ETV7: variants seen among roughly 807,000 people sequenced by gnomAD.
The protein encoded by ETV7 is ETS variant transcription factor 7.
A neutral mutation model predicts 39.1 loss-of-function variants in ETV7; 43 were observed. The observed-to-expected ratio is 1.10, with a 90% CI of 0.86 to 1.42. The LOEUF is 1.42. Ranked by LOEUF, ETV7 falls within the 40% of genes most tolerant of loss-of-function variation. ETV7 has a pLI of 0.00. For missense variants in ETV7, 432 were observed against 442.3 expected (o/e 0.98, Z 0.21); for synonymous variants, 196 against 176.6 (o/e 1.11, Z -0.87).
chr6:36,372,866 G>C (rs1427809712), intron 4 of ETV7, among the ~76,000 whole-genome samples: 2 of 151,016 alleles, frequency 1.3e-5, no homozygotes, highest in Non-Finnish European at 2.9e-5. Context: ...GGCACCACAT[G>C]GTGTTTAAGA....
At chr6:36,373,331 G>A in intron 4 of ETV7, 122 bp downstream of exon 4, 1 of 1,227,762 alleles carries the variant, frequency 8.1e-7, no homozygotes, top group South Asian at 1.8e-5. Context: ...GTGGGGGTGG[G>A]GCGGGAGGGG....
In ETV7 at chr6:36,356,334, A is replaced by AC. The variant is rs1304857181; in HGVS notation, c.909-1648_909-1647insG. ...GTGAGACCCTGTCTCAAAAAAAAAA[A>AC]AAAAACAAAAAAAAACACAAACAAA... is the stretch of plus-strand genomic sequence containing the variant. On this transcript the variant is annotated intron_variant, in intron 7 of 7. Coordinates refer to the ETV7 transcript ENST00000339796. Among the ~76,000 whole-genome samples, 3 of 150,918 alleles carry AC rather than the reference A, an allele frequency of 2.0e-5. 1 individual carries two copies. The highest frequency in any genetic ancestry group is 4.9e-5 in the African/African-American group (2 of 40,782).
chr6:36,373,663 A>T, intron 3 of ETV7, 85 bp from the exon 4 acceptor site: 1 of 1,428,430 alleles, frequency 7.0e-7, no homozygotes, highest in South Asian at 1.5e-5. Context: ...CACCTGCCTC[A>T]GGGCAAGGGC....
At chr6:36,384,102 T>G (rs1293744311) in intron 2 of ETV7, among the ~76,000 whole-genome samples, 1 of 152,214 alleles carries the variant, frequency 6.6e-6, no homozygotes, top group Admixed American at 6.5e-5. Context: ...TCCCCAGAGA[T>G]CCCCGTGGTG....
intron 6 of ETV7, among the ~76,000 whole-genome samples, chr6:36,368,625 G>C (rs1208780498): frequency 6.6e-6 from 1 of 152,164 alleles, no homozygotes; most frequent in Admixed American, 6.5e-5. Flanking sequence ...CAGGAAAGCA[G>C]CTTCCTCATC....
At chr6:36,369,858 G>A (rs979092684) in intron 5 of ETV7, among the ~76,000 whole-genome samples, 1 of 151,928 alleles carries the variant, frequency 6.6e-6, no homozygotes, top group African/African-American at 2.4e-5. Context: ...GTGAGCTATG[G>A]TGGCATCACT....
intron 2 of ETV7, 137 bp downstream of exon 2, chr6:36,385,397 T>C (rs1582229932): frequency 2.9e-6 from 3 of 1,020,864 alleles, no homozygotes; most frequent in East Asian, 4.9e-5. Context: ...ACCCAGGAGC[T>C]GGAAGTTGAA....
intron 3 of ETV7, among the ~76,000 whole-genome samples, chr6:36,375,060 C>A (rs1359218496): frequency 8.4e-6 from 1 of 118,856 alleles, no homozygotes; most frequent in East Asian, 2.1e-4. Context: ...CAAAGTGAGA[C>A]TCCATCTCAA....
chr6:36,363,548 T>C (rs1036004940), downstream of ETV7, among the ~76,000 whole-genome samples: 3 of 152,256 alleles, frequency 2.0e-5, no homozygotes, highest in African/African-American at 7.2e-5. Flanking sequence ...GCGTTACAGC[T>C]AATAAAAGCA....
In ETV7 at chr6:36,366,245, C is replaced by T; in HGVS notation, c.*400G>A. 9.6e-7 allele frequency: 1 copy of T among 1,041,132 alleles called. No individual in the cohort carries two copies. The highest frequency in any genetic ancestry group is 3.8e-5 in the South Asian group (1 of 26,366). The allele number at this position is 1,041,132 out of a possible 1,614,324, so 64.5% of individuals were successfully genotyped here. A position where few individuals can be genotyped will look rare whatever the true frequency, so the allele number is the denominator to read the frequency against. On this transcript the variant is annotated 3_prime_UTR_variant, in exon 8 of 8. Transcript: ENST00000340181. Reference sequence around the variant, plus strand: ...TGAGGCTGTCAGTGCCGCCTGGAAGCACTAACACTTTTTCCCATTTCCTGC... The same window carrying T: ...TGAGGCTGTCAGTGCCGCCTGGAAGTACTAACACTTTTTCCCATTTCCTGC...
At chr6:36,378,628 CA>C (rs1398976127) in intron 2 of ETV7, among the ~76,000 whole-genome samples, 2 of 151,756 alleles carry the variant, frequency 1.3e-5, no homozygotes, top group South Asian at 2.1e-4. Context: ...TTTTTAAAGA[CA>C]AAAAAAATCT....
intron 3 of ETV7, among the ~76,000 whole-genome samples, chr6:36,375,285 A>G (rs77393434): frequency 0.02 from 3,070 of 152,132 alleles, 80 homozygotes; most frequent in African/African-American, 0.065. Context: ...CAAGCCACAC[A>G]AGACTCAGAT....
In ETV7 at chr6:36,373,595, G is replaced by GT; in HGVS notation, c.308-18_308-17insA. 1 of 1,515,164 alleles carries GT rather than the reference G, an allele frequency of 6.6e-7. No homozygotes were observed. The highest frequency in any genetic ancestry group is 8.8e-7 in the Non-Finnish European group (1 of 1,130,296). 93.9% of individuals were successfully genotyped at this position (1,515,164 alleles called of 1,614,324 possible). A position where few individuals can be genotyped will look rare whatever the true frequency, so the allele number is the denominator to read the frequency against. On this transcript the variant is annotated splice_polypyrimidine_tract_variant and intron_variant, in intron 3 of 7. Transcript: ENST00000340181. Reference sequence around the variant, plus strand: ...GGACGTCACCTGGAGGTGGGTGGGAGGGAGGGCAGGCTGCTGAACAGGCCA... The same window carrying GT: ...GGACGTCACCTGGAGGTGGGTGGGAGTGGAGGGCAGGCTGCTGAACAGGCCA...
downstream of ETV7, among the ~76,000 whole-genome samples, chr6:36,362,983 G>T (rs765534048): frequency 6.6e-6 from 1 of 152,246 alleles, no homozygotes; most frequent in Non-Finnish European, 1.5e-5. Flanking sequence ...GGTGGCTTCA[G>T]GAGCGAAGAA....
In ETV7 at chr6:36,378,148, G is replaced by A. The variant is rs114759206; in HGVS notation, c.143-2113C>T. Among the ~76,000 whole-genome samples the A allele has an allele frequency of 3.1e-3, 472 of 151,952 alleles. 5 individuals carry two copies. Among genetic ancestry groups the A allele is most frequent in the African/African-American group, 0.011 (451 of 41,400 alleles). On this transcript the variant is annotated intron_variant, in intron 2 of 7. Transcript: ENST00000340181. ...AGTAAGTGTTCATGCACGCACACAC[G>A]CGTGCCTATGTGTGTATGTATATTT...
intron 4 of ETV7, 72 bp downstream of exon 4, chr6:36,373,381 T>G: frequency 7.0e-7 from 1 of 1,431,920 alleles, no homozygotes; most frequent in Non-Finnish European, 9.2e-7. Context: ...TGCTTCGCCT[T>G]GAGGATGTCC....
intron 2 of ETV7, among the ~76,000 whole-genome samples, chr6:36,383,463 C>A (rs1191057711): frequency 6.6e-6 from 1 of 152,054 alleles, no homozygotes; most frequent in Non-Finnish European, 1.5e-5. Context: ...CATCAACTCA[C>A]AAGGCTAAAC....
At chr6:36,368,357 C>A (rs1772829860) in intron 6 of ETV7, among the ~76,000 whole-genome samples, 1 of 152,120 alleles carries the variant, frequency 6.6e-6, no homozygotes, top group Non-Finnish European at 1.5e-5. Context: ...CTTAAAGAAA[C>A]CTATTTATTT....
At chr6:36,354,790 A>G (rs1371563234) in intron 7 of ETV7, 3 of 583,574 alleles carry the variant, frequency 5.1e-6, no homozygotes, top group Middle Eastern at 2.8e-4. Flanking sequence ...GGAACATGTT[A>G]TATCTGTCCA....
Sources: allele counts gnomAD v4.1 joint callset (sites outside exome capture counted in the v4.1 genomes callset), GRCh38; gene constraint gnomAD v4.1.1; transcripts MANE v1.5; gene names NCBI Gene and HGNC (gene_info 2026-07-23, HGNC 2026-07-21).